MPDZ: variants seen among roughly 807,000 people sequenced by gnomAD.
MPDZ encodes multiple PDZ domain protein.
A neutral mutation model predicts 239.1 loss-of-function variants in MPDZ; 234 were observed. That is an observed-to-expected ratio of 0.98 (90% CI 0.88 to 1.09). The LOEUF (loss-of-function observed/expected upper bound fraction) is 1.09. MPDZ is among the 50% of genes least tolerant of loss of function. MPDZ has a pLI of 0.00. For missense variants in MPDZ, 3,175 were observed against 2,510.0 expected (o/e 1.26, Z -5.66); for synonymous variants, 1,048 against 881.3 (o/e 1.19, Z -3.35).
chr9:13,189,739 C>T (rs1325658363), intron 16 of MPDZ, among the ~76,000 whole-genome samples: 1 of 152,138 alleles, frequency 6.6e-6, no homozygotes, highest in East Asian at 1.9e-4. Context: ...ATTGGAATAT[C>T]AGATTATAAA....
At chr9:13,172,780 T>C (rs1951964057) in intron 21 of MPDZ, among the ~76,000 whole-genome samples, 1 of 152,212 alleles carries the variant, frequency 6.6e-6, no homozygotes, top group African/African-American at 2.4e-5. Flanking sequence ...GGTTTCTAGA[T>C]GTGATGGAAA....
At position 13,148,716 on chromosome 9, in the gene MPDZ, A is replaced by ATTCTCAGAATGCAAT. The variant is rs71331526; in HGVS notation, c.3631-1059_3631-1058insATTGCATTCTGAGAA. Among the ~76,000 whole-genome samples, 50 of 151,606 alleles carry ATTCTCAGAATGCAAT rather than the reference A, an allele frequency of 3.3e-4. 1 individual carries two copies. The highest frequency in any genetic ancestry group is 1.6e-3 in the Admixed American group (24 of 15,196). ...TCTTTGCTCAAGACCAAAGTATTCC[A>ATTCTCAGAATGCAAT]AATTTGCAGATCTGCACTCACCTAG... is the stretch of plus-strand genomic sequence containing the variant. On this transcript the variant is annotated intron_variant, in intron 25 of 46. Transcript: ENST00000319217.
Position 13,186,380 on chromosome 9 carries a change from GT to G in MPDZ, c.2370del (p.Pro791GlnfsTer45). On this transcript the variant is annotated frameshift_variant, in exon 18 of 47. Transcript: ENST00000319217. LOFTEE classifies it high-confidence loss of function. ...TTAGCAGAAACATAACCTTCTTCTGGTGAAAGCTGCAGGGAAAAAATGGTAT... is the reference window on the plus strand; with the variant it reads ...TTAGCAGAAACATAACCTTCTTCTGGGAAAGCTGCAGGGAAAAAATGGTAT... ...RIGVAKPLPL[S>X]PEEGYVSAKE... 1.9e-6 allele frequency: 3 copies of G among 1,565,256 alleles called. No homozygotes were observed. Among genetic ancestry groups the G allele is most frequent in the Non-Finnish European group, 2.6e-6 (3 of 1,151,820 alleles).
chr9:13,232,693 T>A (rs758807007), intron 3 of MPDZ, among the ~76,000 whole-genome samples: 2 of 151,218 alleles, frequency 1.3e-5, no homozygotes, highest in African/African-American at 4.8e-5. Context: ...GTTTTTAAAA[T>A]AAAAACAACT....
At chr9:13,133,668 A>G (rs112518231) in intron 32 of MPDZ, among the ~76,000 whole-genome samples, 156 bp downstream of exon 32, 24 of 152,332 alleles carry the variant, frequency 1.6e-4, no homozygotes, top group East Asian at 3.9e-4. Context: ...CATTAAGCAG[A>G]TAAGTTTGAG....
intron 15 of MPDZ, 93 bp downstream of exon 15, chr9:13,192,038 C>A: frequency 8.5e-7 from 1 of 1,176,068 alleles, no homozygotes; most frequent in South Asian, 2.7e-5. Flanking sequence ...GTGAGTAAAT[C>A]AAATACCAAA....
chr9:13,162,817 G>A (rs1291722369), intron 22 of MPDZ, 22 bp from the exon 23 acceptor site: 1 of 1,492,426 alleles, frequency 6.7e-7, no homozygotes, highest in Admixed American at 1.7e-5. Context: ...CAGAATCCAT[G>A]GAAGTGAAGG....
chr9:13,175,774 T>A lies in MPDZ; in HGVS notation c.3033A>T (p.Ile1011=). The stretch of plus-strand genomic sequence containing the variant: ...TACCTAGGCTAGAATTGCCTTTTGC[T>A]ATATTAATAGTCCTTTCAAAAGATT... ...SKESFERTIN[I]AKGNSSLGMT... The change falls in exon 21 of 47, where the codon ATA becomes ATT. Residue 1011 remains isoleucine, a synonymous_variant. Transcript: ENST00000319217. 6.4e-7 allele frequency: 1 copy of A among 1,570,906 alleles called. No homozygotes were observed. Among genetic ancestry groups the A allele is most frequent in the Non-Finnish European group, 8.6e-7 (1 of 1,156,384 alleles).
chr9:13,257,466 G>T (rs1003254042), intron 1 of MPDZ, among the ~76,000 whole-genome samples: 2 of 152,044 alleles, frequency 1.3e-5, no homozygotes, highest in South Asian at 2.1e-4. Context: ...TTTCCAAACT[G>T]TCTCACAAAA....
chr9:13,252,049 C>A (rs1265733454), intron 1 of MPDZ, among the ~76,000 whole-genome samples: 1 of 152,066 alleles, frequency 6.6e-6, no homozygotes, highest in Non-Finnish European at 1.5e-5. Flanking sequence ...TAACTTGTAA[C>A]TATGATATAT....
intron 13 of MPDZ, among the ~76,000 whole-genome samples, chr9:13,193,585 C>G (rs1319760789): frequency 1.3e-5 from 2 of 152,146 alleles, no homozygotes; most frequent in African/African-American, 4.8e-5. Flanking sequence ...GGTACAATTT[C>G]TCTCTTGTTT....
intron 3 of MPDZ, among the ~76,000 whole-genome samples, chr9:13,247,209 T>C (rs1280963376): frequency 6.6e-6 from 1 of 152,170 alleles, no homozygotes; most frequent in Non-Finnish European, 1.5e-5. Flanking sequence ...GTGATTTCCC[T>C]TCCTCATACA....
intron 24 of MPDZ, among the ~76,000 whole-genome samples, chr9:13,157,212 T>A (rs1949933834): frequency 6.6e-6 from 1 of 152,156 alleles, no homozygotes; most frequent in Admixed American, 6.6e-5. Flanking sequence ...AAGCATCACA[T>A]TGTGATGGTG....
chr9:13,122,527 T>C (rs1177185309), intron 36 of MPDZ, among the ~76,000 whole-genome samples: 1 of 151,360 alleles, frequency 6.6e-6, no homozygotes, highest in Non-Finnish European at 1.5e-5. Flanking sequence ...CAAACTCTTT[T>C]TTTTTTTTTT....
chr9:13,123,542 T>C (rs970783454), intron 35 of MPDZ, among the ~76,000 whole-genome samples: 29 of 152,304 alleles, frequency 1.9e-4, no homozygotes, highest in African/African-American at 6.7e-4. Context: ...AATTATTTTC[T>C]ATGCTATCCT....
chr9:13,234,038 A>T (rs960199463), intron 3 of MPDZ, among the ~76,000 whole-genome samples: 1 of 152,068 alleles, frequency 6.6e-6, no homozygotes, highest in African/African-American at 2.4e-5. Context: ...CCCAAATATT[A>T]TAAATTTTTA....
intron 34 of MPDZ, 101 bp from the exon 35 acceptor site, chr9:13,125,491 T>C (rs1944979274): frequency 1.8e-6 from 2 of 1,094,116 alleles, no homozygotes; most frequent in Non-Finnish European, 2.6e-6. Flanking sequence ...CTCTCTATGG[T>C]TAAGGGGAGG....
intron 10 of MPDZ, among the ~76,000 whole-genome samples, chr9:13,215,929 A>C (rs1240472204): frequency 3.5e-5 from 5 of 143,270 alleles, no homozygotes. Context: ...CATCATGCCC[A>C]GCAATTCAGC....
intron 10 of MPDZ, among the ~76,000 whole-genome samples, chr9:13,216,544 T>C (rs1176965166): frequency 6.6e-6 from 1 of 151,926 alleles, no homozygotes. Flanking sequence ...TCAGGAATTA[T>C]TCAAGAAGGA....
Sources: gnomAD v4.1 joint callset for allele counts (sites outside exome capture counted in the v4.1 genomes callset) on GRCh38, gnomAD v4.1.1 for gene constraint, MANE v1.5 for transcripts, NCBI Gene and HGNC (gene_info 2026-07-23, HGNC 2026-07-21) for gene names.